Variants in TEX14 observed in about 807,000 individuals in gnomAD.
TEX14 encodes the protein testis expressed 14, intercellular bridge forming factor.
In TEX14, 168 loss-of-function variants were observed where a neutral mutation model predicts 178.6. The observed-to-expected ratio is 0.94, with a 90% CI of 0.83 to 1.07. TEX14 has a LOEUF of 1.07. Among genes scored for constraint, TEX14 ranks in the 50% least tolerant of loss-of-function variants. The pLI is 0.00. For missense variants in TEX14, 1,730 were observed against 1,753.6 expected (o/e 0.99, Z 0.24); for synonymous variants, 626 against 634.1 (o/e 0.99, Z 0.19).
At chr17:58,636,882 C>T (rs2046445575) in intron 2 of TEX14, among the ~76,000 whole-genome samples, 1 of 150,850 alleles carries the variant, frequency 6.6e-6, no homozygotes, top group Non-Finnish European at 1.5e-5. Flanking sequence ...CACTACACTC[C>T]AGCCTGGGCG....
chr17:58,629,411 G>T (rs2046226485), intron 3 of TEX14, among the ~76,000 whole-genome samples: 1 of 146,174 alleles, frequency 6.8e-6, no homozygotes, highest in African/African-American at 2.6e-5. Context: ...CCAAGATCCT[G>T]CCACTGCACT....
chr17:58,679,388 C>T (rs537714032), intron 1 of TEX14: 1 of 152,168 alleles, frequency 6.6e-6, no homozygotes, highest in African/African-American at 2.4e-5. Context: ...GGGTGTGAGA[C>T]CAAAAGCGTG....
chr17:58,605,070 T>G lies in TEX14; in HGVS notation c.1244A>C (p.Asn415Thr), dbSNP rs149462299. The change falls in exon 11 of 32, where the codon AAC (asparagine) becomes ACC (threonine). Residue 415 changes from asparagine (N) to threonine (T), a missense_variant. Transcript: ENST00000349033. ...TRVPLPTQLYNWAAPEVILQK... is the reference protein window; with the variant it reads ...TRVPLPTQLYTWAAPEVILQK... The stretch of plus-strand genomic sequence containing the variant: ...TAAGATCACTTCTGGTGCGGCCCAG[T>G]TGTATAGCTGCGTAGGAAGGGGCAC... 1 of 1,614,182 alleles carries G rather than the reference T, an allele frequency of 6.2e-7. No homozygotes were observed. The highest frequency in any genetic ancestry group is 1.7e-5 in the Admixed American group (1 of 60,014).
At chr17:58,581,255 G>A (rs1598355293) in intron 19 of TEX14, among the ~76,000 whole-genome samples, 2 of 149,110 alleles carry the variant, frequency 1.3e-5, no homozygotes, top group East Asian at 4.0e-4. Context: ...AGGATGCGGT[G>A]AGCCGAGATC....
chr17:58,671,698 G>C (rs532738549), intron 1 of TEX14, among the ~76,000 whole-genome samples: 8 of 152,208 alleles, frequency 5.3e-5, no homozygotes, highest in African/African-American at 1.9e-4. Flanking sequence ...CTGGGTCTCT[G>C]TGGATTTCTC....
intron 30 of TEX14, among the ~76,000 whole-genome samples, chr17:58,558,782 C>T (rs966999112): frequency 1.3e-5 from 2 of 152,120 alleles, no homozygotes; most frequent in Admixed American, 1.3e-4. Flanking sequence ...CTTGTAGACT[C>T]CACTTAAATT....
chr17:58,587,843 A>ACCCCCCCCCCCCCCC, intron 16 of TEX14, 53 bp downstream of exon 16: 1 of 1,118,844 alleles, frequency 8.9e-7, no homozygotes, highest in Non-Finnish European at 1.4e-6. Flanking sequence ...GGGTGCCAGA[A>ACCCCCCCCCCCCCCC]CCCACCCCCA....
At chr17:58,592,876 G>A (rs2045189918) in intron 15 of TEX14, among the ~76,000 whole-genome samples, 1 of 152,034 alleles carries the variant, frequency 6.6e-6, no homozygotes, top group Admixed American at 6.6e-5. Flanking sequence ...GCATGTGTGT[G>A]TGTATGTATG....
In TEX14 at chr17:58,620,986, G is replaced by GCT. The variant is rs2045984805; in HGVS notation, c.554+663_554+664insAG. Among the ~76,000 whole-genome samples the GCT allele has an allele frequency of 2.6e-5, 4 of 152,190 alleles. No individual in the cohort carries two copies. In the East Asian group the frequency reaches 7.7e-4, roughly 29 times the overall value. ...TGACAGGACAAGGAAGCCTGCAAAAGTGTGGTGAGCCCAGCTACCCTGCTT... is the reference window on the plus strand; with the variant it reads ...TGACAGGACAAGGAAGCCTGCAAAAGCTTGTGGTGAGCCCAGCTACCCTGCTT... On this transcript the variant is annotated intron_variant, in intron 5 of 31. Transcript: ENST00000349033.
At chr17:58,688,812 G>C (rs991077622) in intron 1 of TEX14, among the ~76,000 whole-genome samples, 1 of 152,106 alleles carries the variant, frequency 6.6e-6, no homozygotes, top group Non-Finnish European at 1.5e-5. Context: ...ATTCCCGGGG[G>C]GGGTTTGGGA....
chr17:58,649,878 T>G (rs1010257724), intron 2 of TEX14, among the ~76,000 whole-genome samples: 2 of 152,016 alleles, frequency 1.3e-5, no homozygotes, highest in African/African-American at 4.8e-5. Context: ...TAGCTGGGAC[T>G]ACAGGTGCCC....
chr17:58,572,240 C>A (rs773973611), intron 23 of TEX14, 114 bp from the exon 24 acceptor site: 4 of 659,506 alleles, frequency 6.1e-6, no homozygotes, highest in African/African-American at 3.8e-5. Context: ...AGAAATGAAT[C>A]TTTTACATTA....
intron 1 of TEX14, among the ~76,000 whole-genome samples, chr17:58,690,615 T>C (rs188379260): frequency 1.3e-5 from 2 of 152,318 alleles, no homozygotes; most frequent in Admixed American, 6.5e-5. Flanking sequence ...TTTATAAGCA[T>C]AAGCATGAAA....
At chr17:58,594,421 G>C (rs2045232238) in intron 14 of TEX14, among the ~76,000 whole-genome samples, 1 of 151,410 alleles carries the variant, frequency 6.6e-6, no homozygotes. Flanking sequence ...CCTGGTCTCG[G>C]CTCACTGCAA....
rs1204213296 is a variant in TEX14 at position 58,616,324 on chromosome 17, C to T, written c.637-19G>A. ...GATAAAACTGAAACCAAGGCATAGC[C>T]TCAAATTATGGGGAGAAGGGGGGAA... On this transcript the variant is annotated intron_variant, in intron 6 of 31. Transcript: ENST00000349033. The T allele has an allele frequency of 6.2e-7, 1 of 1,607,716 alleles. No homozygotes were observed. The highest frequency in any genetic ancestry group is 2.2e-5 in the East Asian group (1 of 44,818).
intron 1 of TEX14, among the ~76,000 whole-genome samples, chr17:58,673,258 A>G (rs2047333251): frequency 6.6e-6 from 1 of 150,660 alleles, no homozygotes; most frequent in South Asian, 2.2e-4. Flanking sequence ...AGGTGGGTGG[A>G]TTATAAGGTC....
At position 58,599,119 on chromosome 17, in the gene TEX14, G is replaced by C. The variant is rs114600472; in HGVS notation, c.2226C>G (p.His742Gln). 1.2e-6 allele frequency: 2 copies of C among 1,613,788 alleles called. No homozygotes were observed. The highest frequency in any genetic ancestry group is 2.7e-5 in the African/African-American group (2 of 74,832). The change falls in exon 14 of 32, where the codon CAC becomes CAG. Residue 742 changes from histidine (H) to glutamine (Q), a missense_variant. By Grantham distance (24) the His-to-Gln change is conservative. This residue lies in a region of TEX14 where 941 missense variants were observed against 1,072.4 expected (regional missense o/e 0.88). Coordinates refer to ENST00000349033, the MANE Select transcript of TEX14 (RefSeq NM_031272.5). ...TATTCCTCAGCCTATCATCATTCTC[G>C]TGCATTATTGTCTGCATAATCTTTA... ...LDLKIMQTIMHENDDRLRNIE... is the reference protein window; with the variant it reads ...LDLKIMQTIMQENDDRLRNIE...
At chr17:58,683,037 T>C (rs574069922) in intron 1 of TEX14, among the ~76,000 whole-genome samples, 1 of 112,870 alleles carries the variant, frequency 8.9e-6, no homozygotes, top group East Asian at 2.4e-4. Context: ...TGGGCGACAG[T>C]GCGAGAGTCT....
At chr17:58,557,275 C>T (rs920229428) in intron 31 of TEX14, among the ~76,000 whole-genome samples, 1 of 144,728 alleles carries the variant, frequency 6.9e-6, no homozygotes, top group African/African-American at 2.5e-5. Context: ...TAAACCTGTT[C>T]TTTTTTTTTT....
Sources: gnomAD v4.1 joint callset for allele counts (sites outside exome capture counted in the v4.1 genomes callset) on GRCh38, gnomAD v4.1.1 for gene constraint, gnomAD v4.1.1 regional missense constraint, MANE v1.5 for transcripts, NCBI Gene and HGNC (gene_info 2026-07-23, HGNC 2026-07-21) for gene names.